Variants in FUT8 observed in about 807,000 individuals in gnomAD.
The protein encoded by FUT8 is alpha-(1,6)-fucosyltransferase.
FUT8 carries 29 observed loss-of-function variants against 71.3 expected under a neutral mutation model. That is an observed-to-expected ratio of 0.41 (90% CI 0.30 to 0.55). The LOEUF (loss-of-function observed/expected upper bound fraction) is 0.55, where lower values mean the gene tolerates loss of function less well. Ranked by LOEUF, FUT8 falls within the 20% of genes least tolerant of loss-of-function variation. FUT8 has a pLI of 0.34. For missense variants in FUT8, 544 were observed against 702.1 expected, an observed-to-expected ratio of 0.77 and a Z score of 2.55; for synonymous variants, 254 against 239.3, an observed-to-expected ratio of 1.06 and a Z score of -0.57.
At chr14:65,364,414 G>T in the FUT8 span, among the ~76,000 whole-genome samples, 42 of 152,214 alleles carry the variant, frequency 2.8e-4, no homozygotes, top group African/African-American at 8.9e-4. Context: ...TGTTGGCCAG[G>T]CTGGTCTCGA....
intron 6 of FUT8, among the ~76,000 whole-genome samples, chr14:65,663,581 C>T (rs1892071970): frequency 6.6e-6 from 1 of 152,060 alleles, no homozygotes; most frequent in Non-Finnish European, 1.5e-5. Context: ...GTTATCAGTA[C>T]AGTCATTCAT....
intron 7 of FUT8, among the ~76,000 whole-genome samples, chr14:65,709,830 T>C (rs1311513490): frequency 6.6e-6 from 1 of 152,170 alleles, no homozygotes; most frequent in African/African-American, 2.4e-5. Flanking sequence ...GTGTGGCCCA[T>C]ACTCAAGGCA....
chr14:65,597,895 G>A (rs920766239), intron 3 of FUT8, among the ~76,000 whole-genome samples: 3 of 152,094 alleles, frequency 2.0e-5, no homozygotes, highest in African/African-American at 7.2e-5. Context: ...TTGGCCAGGC[G>A]TGGTGGCTCA....
At chr14:65,656,795 T>TGTTAG (rs1163124262) in intron 6 of FUT8, among the ~76,000 whole-genome samples, 1 of 152,174 alleles carries the variant, frequency 6.6e-6, no homozygotes, top group Non-Finnish European at 1.5e-5. Flanking sequence ...AACAGCATGG[T>TGTTAG]ACCGGCATAT....
chr14:65,535,112 T>TTTTA, intron 2 of FUT8, among the ~76,000 whole-genome samples: 1 of 151,596 alleles, frequency 6.6e-6, no homozygotes, highest in East Asian at 1.9e-4. Flanking sequence ...TTTTATTTTA[T>TTTTA]TTTTTTTGAG....
chr14:65,361,260 G>GCTGGGGGAT, the FUT8 span, among the ~76,000 whole-genome samples: 7 of 150,458 alleles, frequency 4.7e-5, no homozygotes, highest in African/African-American at 1.5e-4. Context: ...GGAGTCTGAG[G>GCTGGGGGAT]CAAGAGCATT....
At position 65,550,866 on chromosome 14, in the gene FUT8, T is replaced by G. The variant is rs1277409897; in HGVS notation, c.-227-10471T>G. Among the ~76,000 whole-genome samples, 1 of 152,228 alleles carries G rather than the reference T, an allele frequency of 6.6e-6. No individual in the cohort carries two copies. Among genetic ancestry groups the G allele is most frequent in the Non-Finnish European group, 1.5e-5 (1 of 68,040 alleles). Reference sequence around the variant, plus strand: ...TAATTAATACTTTATTCAACTGTACTTCTGTTGATGGGCAATTACGTTGTT... The same window carrying G: ...TAATTAATACTTTATTCAACTGTACGTCTGTTGATGGGCAATTACGTTGTT... On this transcript the variant is annotated intron_variant, in intron 2 of 10. Transcript: ENST00000673929. The surrounding 1 kb of genome is among the most constrained non-coding windows in gnomAD (Gnocchi z 4.5).
intron 6 of FUT8, among the ~76,000 whole-genome samples, chr14:65,632,552 C>A (rs543106057): frequency 2.0e-5 from 3 of 152,196 alleles, no homozygotes; most frequent in South Asian, 2.1e-4. Flanking sequence ...ATAGCCTTAG[C>A]CCACTTTTTG....
At chr14:65,655,134 T>C (rs1181706197) in intron 6 of FUT8, among the ~76,000 whole-genome samples, 3 of 151,278 alleles carry the variant, frequency 2.0e-5, no homozygotes, top group Non-Finnish European at 4.4e-5. Context: ...AGATTAAAAG[T>C]GAAATGATGG....
At chr14:65,431,413 G>A (rs1035064937) in intron 1 of FUT8, among the ~76,000 whole-genome samples, 15 of 149,514 alleles carry the variant, frequency 1.0e-4, no homozygotes, top group Non-Finnish European at 4.4e-5. Flanking sequence ...GGGCTCAGGT[G>A]ATCCTCCTGC....
the FUT8 span, among the ~76,000 whole-genome samples, chr14:65,400,535 T>G: frequency 6.6e-6 from 1 of 152,306 alleles, no homozygotes; most frequent in East Asian, 1.9e-4. Context: ...ACTCTTTACT[T>G]CAACACATGA....
rs1890946140 is a variant in FUT8 at position 65,643,547 on chromosome 14, A to C, written c.597+13941A>C. 6.6e-6 allele frequency among the ~76,000 whole-genome samples: 1 copy of C among 151,984 alleles called. No individual in the cohort carries two copies. Among genetic ancestry groups the C allele is most frequent in the African/African-American group, 2.4e-5 (1 of 41,384 alleles). On this transcript the variant is annotated intron_variant, in intron 6 of 10. Coordinates refer to ENST00000673929, the MANE Select transcript of FUT8 (RefSeq NM_001371533.1). The surrounding 1 kb of genome is among the most constrained non-coding windows in gnomAD (Gnocchi z 4.5). ...CGGGCACCTGTAGTCTCAGCTACTC[A>C]GGAGGCTGAGGCAGGAGAATGGCGT...
intron 2 of FUT8, among the ~76,000 whole-genome samples, chr14:65,534,171 T>C (rs1884137664): frequency 6.6e-6 from 1 of 152,114 alleles, no homozygotes; most frequent in South Asian, 2.1e-4. Context: ...TCACCCAGCC[T>C]GGAGTACAGT....
chr14:65,666,314 G>A (rs887621656), intron 6 of FUT8, among the ~76,000 whole-genome samples: 1 of 151,818 alleles, frequency 6.6e-6, no homozygotes, highest in Non-Finnish European at 1.5e-5. Context: ...ATGATTTTTG[G>A]TACTTGTCAC....
intron 7 of FUT8, among the ~76,000 whole-genome samples, chr14:65,682,509 A>G (rs1028284685): frequency 6.6e-6 from 1 of 152,072 alleles, no homozygotes; most frequent in Non-Finnish European, 1.5e-5. Flanking sequence ...TGTCTCAGAA[A>G]AAAAAAAAGG....
At position 65,423,048 on chromosome 14, in the gene FUT8, C is replaced by T. The variant is rs577064331; in HGVS notation, c.-326+9834C>T. 4.8e-4 allele frequency among the ~76,000 whole-genome samples: 71 copies of T among 148,020 alleles called. No individual in the cohort carries two copies. The South Asian group carries it at 8.0e-3, about 17-fold the overall frequency. Reference sequence around the variant, plus strand: ...TCACCCAGGCTGGAGTGCAGTGGCGCGATCTCGGCTCACTGCAACCTCCGC... The same window carrying T: ...TCACCCAGGCTGGAGTGCAGTGGCGTGATCTCGGCTCACTGCAACCTCCGC... On this transcript the variant is annotated intron_variant, in intron 1 of 10. Transcript: ENST00000673929.
Position 65,550,546 on chromosome 14 carries a change from A to G in FUT8, c.-227-10791A>G, listed in dbSNP as rs1023785259. On this transcript the variant is annotated intron_variant, in intron 2 of 10. Transcript: ENST00000673929. The surrounding 1 kb of genome is among the most constrained non-coding windows in gnomAD (Gnocchi z 4.5). ...ACTGAATATATATTGCTTTTATACC[A>G]TCATAAAGTTGAAAAATTGTTAAGT... is the stretch of plus-strand genomic sequence containing the variant. Among the ~76,000 whole-genome samples, 1 of 152,182 alleles carries G rather than the reference A, an allele frequency of 6.6e-6. No individual in the cohort carries two copies. The highest frequency in any genetic ancestry group is 2.4e-5 in the African/African-American group (1 of 41,450).
At chr14:65,706,214 A>G (rs917764289) in intron 7 of FUT8, among the ~76,000 whole-genome samples, 2 of 152,202 alleles carry the variant, frequency 1.3e-5, no homozygotes, top group African/African-American at 4.8e-5. Context: ...GAAGTTAAAT[A>G]TAACTTCTTC....
intron 2 of FUT8, among the ~76,000 whole-genome samples, chr14:65,516,643 T>G (rs887081399): frequency 4.6e-5 from 7 of 152,172 alleles, no homozygotes; most frequent in Admixed American, 4.6e-4. Context: ...CTACTAGAAG[T>G]CTATAATTTT....
Sources: gnomAD v4.1 joint callset for allele counts (sites outside exome capture counted in the v4.1 genomes callset) on GRCh38, gnomAD v4.1.1 for gene constraint, Gnocchi (gnomAD v3.1) non-coding constraint, MANE v1.5 for transcripts, NCBI Gene and HGNC (gene_info 2026-07-23, HGNC 2026-07-21) for gene names.